The following BPIFB6 variants were observed in gnomAD, a reference collection of about 807,000 sequenced individuals.
The protein encoded by BPIFB6 is BPI fold containing family B member 6, also known as BPI fold-containing family B member 6.
A neutral mutation model predicts 54.7 loss-of-function variants in BPIFB6; 47 were observed. That is an observed-to-expected ratio of 0.86 (90% CI 0.68 to 1.10). BPIFB6 has a LOEUF of 1.10. Among genes scored for constraint, BPIFB6 ranks in the 50% least tolerant of loss-of-function variants. The probability of loss-of-function intolerance (pLI) is 0.00; values close to 1 mark genes in which losing one functional copy is unlikely to be tolerated. For missense variants in BPIFB6, 603 were observed against 564.1 expected (o/e 1.07, Z -0.70); for synonymous variants, 255 against 225.9 (o/e 1.13, Z -1.16).
rs1273931667 is a variant in BPIFB6 at position 33,032,986 on chromosome 20, G to A, written c.100G>A (p.Val34Ile). Reference protein sequence around the residue: ...LRLGMDIMNQVQSAMDESHIL... With the variant: ...LRLGMDIMNQIQSAMDESHIL... ...CCAACTAAGTGTCTCCACTCCAGAG[G>A]TCCAGAGCGCCATGGATGAGAGTCA... The change falls in exon 2 of 15, where the codon GTC (valine) becomes ATC (isoleucine). Residue 34 changes from valine to isoleucine, a missense_variant and splice_region_variant. Transcript: ENST00000349552. 2.5e-6 allele frequency: 4 copies of A among 1,613,392 alleles called. No homozygotes were observed. The highest frequency in any genetic ancestry group is 3.4e-6 in the Non-Finnish European group (4 of 1,179,486).
intron 10 of BPIFB6, 117 bp downstream of exon 10, chr20:33,039,637 T>G (rs1357315987): frequency 8.7e-7 from 1 of 1,145,790 alleles, no homozygotes; most frequent in Admixed American, 2.6e-5. Context: ...TTAATCTTGA[T>G]TATGTCTGAT....
At chr20:33,040,766 CA>C (rs1600526982) in intron 11 of BPIFB6, among the ~76,000 whole-genome samples, 1 of 152,324 alleles carries the variant, frequency 6.6e-6, no homozygotes, top group East Asian at 1.9e-4. Flanking sequence ...TTATATTCAT[CA>C]TCCTATTTCA....
In BPIFB6 at chr20:33,035,473, C is replaced by A. The variant is rs532847401; in HGVS notation, c.517-139C>A. On this transcript the variant is annotated intron_variant, in intron 5 of 14. Coordinates refer to ENST00000349552, the MANE Select transcript of BPIFB6 (RefSeq NM_174897.2). Reference sequence around the variant, plus strand: ...TAGTCCGAGCTCTGCCATTTACTTTCTGTGGGACTTGGGACCTCAGTTTTC... The same window carrying A: ...TAGTCCGAGCTCTGCCATTTACTTTATGTGGGACTTGGGACCTCAGTTTTC... 299 of 856,670 alleles carry A rather than the reference C, an allele frequency of 3.5e-4. No individual in the cohort carries two copies. The African/African-American group carries it at 4.5e-3, about 13-fold the overall frequency. The allele number at this position is 856,670 out of a possible 1,614,324, so 53.1% of individuals were successfully genotyped here.
At position 33,035,637 on chromosome 20, in the gene BPIFB6, T is replaced by C; in HGVS notation, c.542T>C (p.Leu181Pro). ...ATGTGTCCCGCCATCGATGCAGTCC[T>C]GGTGTATGTGAACAGGAAGTGGACC... ...GLMCPAIDAV[L>P]VYVNRKWTNL... The change falls in exon 6 of 15, where the codon CTG (leucine) becomes CCG (proline). Residue 181 changes from leucine (L) to proline (P), a missense_variant. Leu to Pro is a moderately conservative substitution (Grantham distance 98). Transcript: ENST00000349552. The C allele has an allele frequency of 6.2e-7, 1 of 1,614,178 alleles. No individual in the cohort carries two copies. Among genetic ancestry groups the C allele is most frequent in the Non-Finnish European group, 8.5e-7 (1 of 1,180,032 alleles).
chr20:33,035,216 C>T, intron 5 of BPIFB6, 72 bp downstream of exon 5: 1 of 1,471,624 alleles, frequency 6.8e-7, no homozygotes, highest in Admixed American at 1.7e-5. Context: ...AAATGCATTT[C>T]ATGTTGGGTG....
intron 1 of BPIFB6, among the ~76,000 whole-genome samples, chr20:33,032,615 A>C (rs573465028): frequency 6.6e-5 from 10 of 151,978 alleles, no homozygotes; most frequent in African/African-American, 2.4e-4. Flanking sequence ...TCTTCCCCCA[A>C]CTGTGCCACC....
intron 2 of BPIFB6, chr20:33,033,370 A>G (rs1486115891): frequency 1.9e-6 from 1 of 521,294 alleles, no homozygotes; most frequent in Non-Finnish European, 3.7e-6. Context: ...TGCAACATGA[A>G]CTCATTGAAT....
rs1458630593 is a variant in BPIFB6 at position 33,042,830 on chromosome 20, G to A, written c.1204G>A (p.Gly402Ser). 6.2e-7 allele frequency: 1 copy of A among 1,614,096 alleles called. No individual in the cohort carries two copies. Among genetic ancestry groups the A allele is most frequent in the Admixed American group, 1.7e-5 (1 of 60,018 alleles). Residue 402 changes from glycine to serine, a missense_variant, in exon 13 of 15, where the codon GGC (glycine) becomes AGC (serine). Gly to Ser is a moderately conservative substitution (Grantham distance 56). Coordinates refer to ENST00000349552, the MANE Select transcript of BPIFB6 (RefSeq NM_174897.2). ...IGNFNERELT[G>S]FITSYLEEAY... The stretch of plus-strand genomic sequence containing the variant: ...TTCTTTCCAGGAGAGGGAATTAACT[G>A]GCTTCATCACCAGCTATCTCGAAGA...
Position 33,042,834 on chromosome 20 carries a change from T to A in BPIFB6, c.1208T>A (p.Phe403Tyr), listed in dbSNP as rs767938056. ...GNFNERELTG[F>Y]ITSYLEEAYI... ...TTCCAGGAGAGGGAATTAACTGGCT[T>A]CATCACCAGCTATCTCGAAGAAGCC... Residue 403 changes from phenylalanine (F) to tyrosine (Y), a missense_variant, in exon 13 of 15, where the codon TTC (phenylalanine) becomes TAC (tyrosine). Coordinates refer to ENST00000349552, the MANE Select transcript of BPIFB6 (RefSeq NM_174897.2). 2 of 1,614,182 alleles carry A rather than the reference T, an allele frequency of 1.2e-6. No individual in the cohort carries two copies. Among genetic ancestry groups the A allele is most frequent in the Non-Finnish European group, 1.7e-6 (2 of 1,180,006 alleles).
In BPIFB6 at chr20:33,033,012, T is replaced by C; in HGVS notation, c.126T>C (p.His42=). The change falls in exon 2 of 15, where the codon CAT becomes CAC. Residue 42 remains histidine (H), a synonymous_variant. Coordinates refer to ENST00000349552, the MANE Select transcript of BPIFB6 (RefSeq NM_174897.2). ...TCCAGAGCGCCATGGATGAGAGTCA[T>C]ATCCTGGAGAAGATGGCAGCCGAGG... ...NQVQSAMDES[H]ILEKMAAEAG... is the part of the protein sequence containing the mutation. The C allele has an allele frequency of 6.2e-7, 1 of 1,614,006 alleles. No homozygotes were observed. The highest frequency in any genetic ancestry group is 1.3e-5 in the African/African-American group (1 of 75,018).
At chr20:33,037,436 T>C in intron 7 of BPIFB6, 126 bp from the exon 8 acceptor site, 1 of 930,910 alleles carries the variant, frequency 1.1e-6, no homozygotes, top group Non-Finnish European at 1.6e-6. Flanking sequence ...GTGGTTCTCT[T>C]AATAAGATTT....
intron 9 of BPIFB6, 98 bp from the exon 10 acceptor site, chr20:33,039,249 C>A: frequency 7.9e-7 from 1 of 1,262,392 alleles, no homozygotes; most frequent in Non-Finnish European, 1.1e-6. Flanking sequence ...CTTCCTGTGT[C>A]CAACGTAGAA....
chr20:33,037,620 T>A lies in BPIFB6; in HGVS notation c.728T>A (p.Leu243His). 1 of 1,614,038 alleles carries A rather than the reference T, an allele frequency of 6.2e-7. No homozygotes were observed. The highest frequency in any genetic ancestry group is 1.3e-5 in the African/African-American group (1 of 75,026). Residue 243 changes from leucine to histidine, a missense_variant, in exon 8 of 15, where the codon CTC (leucine) becomes CAC (histidine). Transcript: ENST00000349552. ...TIKLADAGEA[L>H]TFPEGYAKGS... ...AAGCTTGCTGATGCCGGGGAGGCCCTCACGTTCCCTGAGGGTTATGCCAAA... is the reference window on the plus strand; with the variant it reads ...AAGCTTGCTGATGCCGGGGAGGCCCACACGTTCCCTGAGGGTTATGCCAAA...
intron 10 of BPIFB6, among the ~76,000 whole-genome samples, chr20:33,040,008 C>A (rs745690813): frequency 8.5e-5 from 13 of 152,174 alleles, no homozygotes; most frequent in Non-Finnish European, 1.5e-4. Flanking sequence ...TGTGCAGGGA[C>A]CTACTGACAG....
rs1979404820 is a variant in BPIFB6, at chr20:33,037,713, T to C, written c.821T>C (p.Phe274Ser). The change falls in exon 8 of 15, where the codon TTT (phenylalanine) becomes TCT (serine). Residue 274 changes from phenylalanine (F) to serine (S), a missense_variant. Phe to Ser is a radical substitution (Grantham distance 155). Transcript: ENST00000349552. The part of the protein sequence containing the change: ...SAELALLQKS[F>S]HVNIQDTMIG... Reference sequence around the variant, plus strand: ...GAGCTTGCCCTTCTGCAGAAGTCCTTTCATGTGAATATCCAGGATACAATG... The same window carrying C: ...GAGCTTGCCCTTCTGCAGAAGTCCTCTCATGTGAATATCCAGGATACAATG... The C allele has an allele frequency of 6.2e-7, 1 of 1,614,060 alleles. No individual in the cohort carries two copies. Among genetic ancestry groups the C allele is most frequent in the Non-Finnish European group, 8.5e-7 (1 of 1,180,038 alleles).
chr20:33,033,192 G>A (rs539479163), intron 2 of BPIFB6, 109 bp downstream of exon 2: 11 of 839,800 alleles, frequency 1.3e-5, no homozygotes, highest in Non-Finnish European at 1.8e-5. Flanking sequence ...AGGGATGTGG[G>A]GTCTCTTCCC....
chr20:33,034,972 T>A (rs1979271072), intron 4 of BPIFB6, 60 bp downstream of exon 4: 1 of 1,605,162 alleles, frequency 6.2e-7, no homozygotes, highest in Admixed American at 1.7e-5. Flanking sequence ...CCCCAGCATA[T>A]CACTTCCTGA....
chr20:33,034,480 G>A (rs1291093790), intron 3 of BPIFB6, among the ~76,000 whole-genome samples, 190 bp downstream of exon 3: 1 of 152,254 alleles, frequency 6.6e-6, no homozygotes, highest in Non-Finnish European at 1.5e-5. Context: ...GTCTAGGACA[G>A]AGGAAGCATT....
chr20:33,040,988 T>C (rs978125454), intron 11 of BPIFB6, among the ~76,000 whole-genome samples: 1 of 117,052 alleles, frequency 8.5e-6, no homozygotes, highest in Admixed American at 7.4e-5. Context: ...AGTAGTTCTT[T>C]TTTTTTTTTT....
Sources: allele counts gnomAD v4.1 joint callset (sites outside exome capture counted in the v4.1 genomes callset), GRCh38; gene constraint gnomAD v4.1.1; transcripts MANE v1.5; gene names NCBI Gene and HGNC (gene_info 2026-07-23, HGNC 2026-07-21).